The following USF2 variants were observed in gnomAD, a reference collection of about 807,000 sequenced individuals.
USF2 encodes the protein upstream transcription factor 2, c-fos interacting.
Under a neutral mutation model 46.9 loss-of-function variants are expected in USF2, and 16 were observed. That is an observed-to-expected ratio of 0.34 (90% CI 0.23 to 0.52). The LOEUF is 0.52. Ranked by LOEUF, USF2 falls within the 20% of genes least tolerant of loss-of-function variation. The pLI, the probability that USF2 is intolerant of heterozygous loss-of-function variation, is 0.96. For synonymous variants in USF2, 239 were observed against 194.1 expected, an observed-to-expected ratio of 1.23 and a Z score of -1.92; for missense variants, 411 against 474.0, an observed-to-expected ratio of 0.87 and a Z score of 1.23.
rs2066122760 is a variant in USF2, at chr19:35,269,892, C to T, written c.318C>T (p.Ala106=). Residue 106 remains alanine, a synonymous_variant, in exon 4 of 10, where the codon GCC becomes GCT. Transcript: ENST00000222305. ...AGAVSVVSTA[A]FAGGQQAVTQ... ...CCGTCAGCGTCGTGTCCACCGCTGC[C>T]TTCGCGGGGGGGCAGCAGGCTGTGA... is the stretch of plus-strand genomic sequence containing the variant. 1 of 1,406,664 alleles carries T rather than the reference C, an allele frequency of 7.1e-7. No homozygotes were observed. Among genetic ancestry groups the T allele is most frequent in the South Asian group, 1.6e-5 (1 of 63,028 alleles). The allele number at this position is 1,406,664 out of a possible 1,614,324, so 87.1% of individuals were successfully genotyped here.
Position 35,270,740 on chromosome 19 carries a change from G to T in USF2, c.603G>T (p.Thr201=), listed in dbSNP as rs140570986. Residue 201 remains threonine (T), a synonymous_variant, in exon 6 of 10, where the codon ACG becomes ACT. Transcript: ENST00000222305. Reference sequence around the variant, plus strand: ...CAGGCCAGTTCTACGTCATGATGACGCCCCAGGATGTGCTTCAGACAGGAA... The same window carrying T: ...CAGGCCAGTTCTACGTCATGATGACTCCCCAGGATGTGCTTCAGACAGGAA... ...QAGGQFYVMM[T]PQDVLQTGTQ... is the part of the protein sequence containing the mutation. The T allele has an allele frequency of 1.1e-5, 18 of 1,614,026 alleles. No individual in the cohort carries two copies. The Middle Eastern group carries it at 4.9e-4, about 44-fold the overall frequency.
chr19:35,269,154 C>G lies in USF2; in HGVS notation c.53C>G (p.Ala18Gly). Residue 18 changes from alanine to glycine, a missense_variant, in exon 1 of 10, where the codon GCC becomes GGC. This residue lies in a region of USF2 where 318 missense variants were observed against 322.4 expected (regional missense o/e 0.99). Transcript: ENST00000222305. ...CCCGCTGCCTCGGCCACCGCTGCTGCCGCCGCCAGGTAAGATCCCCGGCCC... is the reference window on the plus strand; with the variant it reads ...CCCGCTGCCTCGGCCACCGCTGCTGGCGCCGCCAGGTAAGATCCCCGGCCC... ...LDPAASATAA[A>G]AASHDKGPEA... 1 of 1,023,724 alleles carries G rather than the reference C, an allele frequency of 9.8e-7. No homozygotes were observed. The highest frequency in any genetic ancestry group is 1.2e-6 in the Non-Finnish European group (1 of 851,384). 63.4% of individuals were successfully genotyped at this position (1,023,724 alleles called of 1,614,324 possible).
In USF2 at chr19:35,271,113, T is replaced by A. The variant is rs1374835641; in HGVS notation, c.699T>A (p.Asp233Glu). The A allele has an allele frequency of 2.5e-6, 4 of 1,610,764 alleles. No individual in the cohort carries two copies. The highest frequency in any genetic ancestry group is 2.5e-6 in the Non-Finnish European group (3 of 1,178,962). ...TTGATGGAACCAGAACACCCCGAGA[T>A]GAGAGGAGAAGAGCCCAGCACAACG... ...PKIDGTRTPR[D>E]ERRRAQHNEV... Residue 233 changes from aspartate (D) to glutamate (E), a missense_variant, in exon 7 of 10, where the codon GAT (aspartate) becomes GAA (glutamate). Asp to Glu is a conservative substitution (Grantham distance 45, BLOSUM62 2). This residue lies in a region of USF2 where 318 missense variants were observed against 322.4 expected (regional missense o/e 0.99). Transcript: ENST00000222305.
chr19:35,269,774 C>T lies in USF2; in HGVS notation c.229-29C>T, dbSNP rs1019772658. ...GAAGGCTCGGACCTGGCCCCAGCGC[C>T]GGCCTCGCCGCTCTGCCGCCCCCTG... On this transcript the variant is annotated intron_variant, in intron 3 of 9. Coordinates refer to ENST00000222305, the MANE Select transcript of USF2 (RefSeq NM_003367.4). The T allele has an allele frequency of 6.5e-5, 97 of 1,488,698 alleles. 1 individual carries two copies. The highest frequency in any genetic ancestry group is 2.7e-4 in the Admixed American group (11 of 40,648). The allele number at this position is 1,488,698 out of a possible 1,614,324, so 92.2% of individuals were successfully genotyped here.
chr19:35,269,606 G>A lies in USF2; in HGVS notation c.135G>A (p.Glu45=), dbSNP rs755980897. Residue 45 remains glutamate (E), a synonymous_variant, in exon 3 of 10, where the codon GAG becomes GAA. Transcript: ENST00000222305. ...QEGGDGPGAE[E]QTAVAITSVQ... ...GCGGGGACGGCCCAGGAGCGGAGGA[G>A]CAGACAGCGGTGGCCATCACCAGCG... is the stretch of plus-strand genomic sequence containing the variant. 1 of 1,595,986 alleles carries A rather than the reference G, an allele frequency of 6.3e-7. No homozygotes were observed. The highest frequency in any genetic ancestry group is 1.4e-5 in the African/African-American group (1 of 74,026).
At chr19:35,278,818 T>G (rs1377337526) in intron 8 of USF2, 26 bp downstream of exon 8, 1 of 1,613,112 alleles carries the variant, frequency 6.2e-7, no homozygotes, top group Admixed American at 1.7e-5. Flanking sequence ...CCTCAGTGTC[T>G]GCGGTGGTCC....
chr19:35,275,411 C>T (rs1393983551), intron 7 of USF2: 1 of 149,312 alleles, frequency 6.7e-6, no homozygotes, highest in Non-Finnish European at 1.5e-5. Context: ...CACACCCCAA[C>T]CCCAGCTTTT....
Position 35,269,500 on chromosome 19 carries a change from C to T in USF2, c.109+8C>T. Reference sequence around the variant, plus strand: ...GCGTCGAGCTGCAGGAAGGTGAGTGCTTGCCGGGCCGGCCGCGCCCGGGGA... The same window carrying T: ...GCGTCGAGCTGCAGGAAGGTGAGTGTTTGCCGGGCCGGCCGCGCCCGGGGA... On this transcript the variant is annotated splice_region_variant and intron_variant, in intron 2 of 9. Coordinates refer to ENST00000222305, the MANE Select transcript of USF2 (RefSeq NM_003367.4). The T allele has an allele frequency of 6.5e-7, 1 of 1,548,912 alleles. No homozygotes were observed. Among genetic ancestry groups the T allele is most frequent in the Non-Finnish European group, 8.7e-7 (1 of 1,153,250 alleles).
rs191210609 is a variant in USF2 at position 35,275,408 on chromosome 19, C to G, written c.728-3290C>G. On this transcript the variant is annotated intron_variant, in intron 7 of 9. Transcript: ENST00000222305. Reference sequence around the variant, plus strand: ...ATGCTTTAGCTTCCCTGGCACACCCCAACCCCAGCTTTTTAAGGTAATTCT... The same window carrying G: ...ATGCTTTAGCTTCCCTGGCACACCCGAACCCCAGCTTTTTAAGGTAATTCT... The G allele has an allele frequency of 3.3e-5, 5 of 150,832 alleles. No homozygotes were observed. In the East Asian group the frequency reaches 9.7e-4, roughly 29 times the overall value. 9.3% of individuals were successfully genotyped at this position (150,832 alleles called of 1,614,324 possible). A position where few individuals can be genotyped will look rare whatever the true frequency, so the allele number is the denominator to read the frequency against.
chr19:35,278,600 G>C (rs1423280759), intron 7 of USF2, 98 bp from the exon 8 acceptor site: 4 of 1,282,428 alleles, frequency 3.1e-6, no homozygotes, highest in Middle Eastern at 1.9e-4. Context: ...GGCCTGCACT[G>C]TTCCTGGGTG....
intron 1 of USF2, 94 bp downstream of exon 1, chr19:35,269,257 C>G (rs914753588): frequency 2.4e-5 from 23 of 959,236 alleles, no homozygotes; most frequent in Non-Finnish European, 2.7e-5. Flanking sequence ...CGAGCGGCCG[C>G]GGGCCCGGCT....
At chr19:35,271,925 C>T (rs2066162404) in intron 7 of USF2, among the ~76,000 whole-genome samples, 1 of 152,054 alleles carries the variant, frequency 6.6e-6, no homozygotes, top group African/African-American at 2.4e-5. Flanking sequence ...GTGACGCTTC[C>T]CTAGGGAGAG....
At chr19:35,274,168 G>C (rs755189199) in intron 7 of USF2, among the ~76,000 whole-genome samples, 1 of 152,166 alleles carries the variant, frequency 6.6e-6, no homozygotes, top group African/African-American at 2.4e-5. Flanking sequence ...TCCCTGTAAT[G>C]CCTCAAACTC....
intron 6 of USF2, 30 bp from the exon 7 acceptor site, chr19:35,271,053 A>C: frequency 6.2e-7 from 1 of 1,613,092 alleles, no homozygotes; most frequent in Non-Finnish European, 8.5e-7. Flanking sequence ...GCGATAATAC[A>C]TGCCCCCTTT....
At chr19:35,273,372 T>C (rs2066185410) in intron 7 of USF2, among the ~76,000 whole-genome samples, 2 of 152,188 alleles carry the variant, frequency 1.3e-5, no homozygotes, top group African/African-American at 4.8e-5. Flanking sequence ...GGAATCTTCC[T>C]TTCTCCTCCA....
rs896023859 is a variant in USF2 at position 35,269,844 on chromosome 19, C to T, written c.270C>T (p.Asp90=). ...TCCAGGTGACTGATGGTCAGCTGGA[C>T]GGCCAGGGCGACACAGCTGGCGCCG... ...RVVQVTDGQL[D]GQGDTAGAVS... The change falls in exon 4 of 10, where the codon GAC becomes GAT. Residue 90 remains aspartate (D), a synonymous_variant. Coordinates refer to ENST00000222305, the MANE Select transcript of USF2 (RefSeq NM_003367.4). The T allele has an allele frequency of 6.9e-7, 1 of 1,441,876 alleles. No individual in the cohort carries two copies. The highest frequency in any genetic ancestry group is 9.0e-7 in the Non-Finnish European group (1 of 1,106,852). 89.3% of individuals were successfully genotyped at this position (1,441,876 alleles called of 1,614,324 possible).
intron 1 of USF2, 59 bp from the exon 2 acceptor site, chr19:35,269,387 G>C: frequency 1.5e-6 from 2 of 1,302,372 alleles, no homozygotes; most frequent in Non-Finnish European, 1.9e-6. Context: ...AGCTGGGCGC[G>C]GGGGCGGGGG....
chr19:35,269,772 G>A (rs1008666682), intron 3 of USF2, 31 bp from the exon 4 acceptor site: 29 of 1,488,040 alleles, frequency 1.9e-5, no homozygotes, highest in Non-Finnish European at 2.5e-5. Flanking sequence ...TGGCCCCAGC[G>A]CCGGCCTCGC....
At position 35,269,509 on chromosome 19, in the gene USF2, C is replaced by A. The variant is rs1487406444; in HGVS notation, c.109+17C>A. 1.3e-6 allele frequency: 2 copies of A among 1,538,814 alleles called. No homozygotes were observed. The highest frequency in any genetic ancestry group is 1.4e-5 in the African/African-American group (1 of 70,308). The stretch of plus-strand genomic sequence containing the variant: ...TGCAGGAAGGTGAGTGCTTGCCGGG[C>A]CGGCCGCGCCCGGGGAGGGCTGGGG... On this transcript the variant is annotated intron_variant, in intron 2 of 9. Transcript: ENST00000222305.
Sources: gnomAD v4.1 joint callset for allele counts (sites outside exome capture counted in the v4.1 genomes callset) on GRCh38, gnomAD v4.1.1 for gene constraint, gnomAD v4.1.1 regional missense constraint, MANE v1.5 for transcripts, NCBI Gene and HGNC (gene_info 2026-07-23, HGNC 2026-07-21) for gene names.